Variants in SLC25A29 observed in about 807,000 individuals in gnomAD.
The protein encoded by SLC25A29 is solute carrier family 25 member 29.
In SLC25A29, 13 loss-of-function variants were observed where a neutral mutation model predicts 10.0. The observed-to-expected ratio is 1.30, with a 90% CI of 0.85 to 2.07. SLC25A29 has a LOEUF of 2.07. Among genes scored for constraint, SLC25A29 ranks in the 30% most tolerant of loss-of-function variants. The pLI is 0.00. For missense variants in SLC25A29, 475 were observed against 447.6 expected, an observed-to-expected ratio of 1.06 and a Z score of -0.55; for synonymous variants, 244 against 221.1, an observed-to-expected ratio of 1.10 and a Z score of -0.92.
Position 100,292,619 on chromosome 14 carries a change from C to T in SLC25A29, c.576G>A (p.Leu192=). The change falls in exon 4 of 4, where the codon CTG becomes CTA. Residue 192 remains leucine (L), a synonymous_variant. Transcript: ENST00000359232. ...EPGDRLLVPK[L]LLAGGTSGIV... ...TGCCTGACGTACCGCCCGCCAACAG[C>T]AGCTTGGGCACCAGCAGGCGGTCGC... 1.2e-6 allele frequency: 2 copies of T among 1,606,618 alleles called. No individual in the cohort carries two copies. Among genetic ancestry groups the T allele is most frequent in the South Asian group, 1.1e-5 (1 of 90,192 alleles).
intron 1 of SLC25A29, chr14:100,304,812 T>A: frequency 6.6e-6 from 1 of 152,280 alleles, no homozygotes; most frequent in Non-Finnish European, 1.5e-5. Flanking sequence ...CCCCGGTGTT[T>A]CCAGGAGGGC....
chr14:100,306,054 C>T (rs955750066), intron 1 of SLC25A29, 145 bp downstream of exon 1: 51 of 533,558 alleles, frequency 9.6e-5, no homozygotes, highest in Non-Finnish European at 8.8e-5. Flanking sequence ...CCACGAGACC[C>T]GCCCGAGGCA....
At chr14:100,294,184 G>A (rs564089764) in intron 2 of SLC25A29, 1 of 152,346 alleles carries the variant, frequency 6.6e-6, no homozygotes, top group East Asian at 1.9e-4. Flanking sequence ...GTAGCCTCTC[G>A]TGAGAACAGC....
In SLC25A29 at chr14:100,297,744, A is replaced by C. The variant is rs185222326; in HGVS notation, c.78+1098T>G. Among the ~76,000 whole-genome samples, 21 of 152,338 alleles carry C rather than the reference A, an allele frequency of 1.4e-4. No individual in the cohort carries two copies. The East Asian group carries it at 4.1e-3, about 29-fold the overall frequency. Reference sequence around the variant, plus strand: ...GCCTGGCCCTTCAGCCTCCTCCCCAAATTGGCCTACAGTGGATAGAAGAGT... The same window carrying C: ...GCCTGGCCCTTCAGCCTCCTCCCCACATTGGCCTACAGTGGATAGAAGAGT... On this transcript the variant is annotated intron_variant, in intron 2 of 3. Transcript: ENST00000359232.
downstream of SLC25A29, among the ~76,000 whole-genome samples, chr14:100,289,886 A>C (rs937586451): frequency 1.3e-5 from 2 of 152,132 alleles, no homozygotes; most frequent in East Asian, 3.8e-4. Flanking sequence ...AAAATGTAAA[A>C]TAAATTCATT....
At position 100,292,661 on chromosome 14, in the gene SLC25A29, C is replaced by T. The variant is rs779290640; in HGVS notation, c.534G>A (p.Ala178=). 1 of 1,598,548 alleles carries T rather than the reference C, an allele frequency of 6.3e-7. No homozygotes were observed. The highest frequency in any genetic ancestry group is 8.5e-7 in the Non-Finnish European group (1 of 1,174,346). The change falls in exon 4 of 4, where the codon GCG becomes GCA. Residue 178 remains alanine, a synonymous_variant. Coordinates refer to ENST00000359232, the MANE Select transcript of SLC25A29 (RefSeq NM_001039355.3). ...YFLTYDALTR[A]LGCEPGDRLL... ...GGCGGTCGCCCGGCTCGCAGCCCAGCGCCCGCGTGAGAGCGTCATAGGTGA... is the reference window on the plus strand; with the variant it reads ...GGCGGTCGCCCGGCTCGCAGCCCAGTGCCCGCGTGAGAGCGTCATAGGTGA...
At chr14:100,282,129 T>G in the SLC25A29 span, 3 of 152,190 alleles carry the variant, frequency 2.0e-5, no homozygotes, top group African/African-American at 7.2e-5. Flanking sequence ...ATGGAGAGCT[T>G]CGTCCTGGCC....
chr14:100,293,647 T>G, intron 2 of SLC25A29: 1 of 483,020 alleles, frequency 2.1e-6, no homozygotes, highest in Non-Finnish European at 3.8e-6. Context: ...AAGCCTCTTG[T>G]TTACACTATG....
chr14:100,288,561 C>T (rs2139641874), downstream of SLC25A29, among the ~76,000 whole-genome samples: 1 of 151,916 alleles, frequency 6.6e-6, no homozygotes, highest in East Asian at 1.9e-4. Context: ...GCCCTGCTGT[C>T]CTCCAGGCCC....
downstream of SLC25A29, among the ~76,000 whole-genome samples, chr14:100,289,565 G>A (rs1210574233): frequency 5.3e-5 from 8 of 152,124 alleles, no homozygotes; most frequent in South Asian, 2.1e-4. Context: ...ATCAGAGGCC[G>A]GGCGCAGTGG....
At chr14:100,297,176 AAAAACAAAAAC>A (rs1410469569) in intron 2 of SLC25A29, among the ~76,000 whole-genome samples, 2 of 152,250 alleles carry the variant, frequency 1.3e-5, no homozygotes, top group African/African-American at 4.8e-5. Context: ...ACAGAGTGGC[AAAAACAAAAAC>A]AAAACAAAAC....
rs776413490 is a variant in SLC25A29, at chr14:100,292,291, T to G, written c.904A>C (p.Ser302Arg). The G allele has an allele frequency of 2.6e-6, 4 of 1,531,772 alleles. No individual in the cohort carries two copies. The highest frequency in any genetic ancestry group is 3.5e-6 in the Non-Finnish European group (4 of 1,140,660). The allele number at this position is 1,531,772 out of a possible 1,614,324, so 94.9% of individuals were successfully genotyped here. ...PAGPALAQPS[S>R]L ...GGAGGGCGGGGTGAGCGTCACAGGC[T>G]GGAGGGCTGCGCCAGGGCAGGCCCC... The change falls in exon 4 of 4, where the codon AGC becomes CGC. Residue 302 changes from serine (S) to arginine (R), a missense_variant. Ser to Arg is a moderately radical substitution (Grantham distance 110, BLOSUM62 -1). Coordinates refer to ENST00000359232, the MANE Select transcript of SLC25A29 (RefSeq NM_001039355.3).
chr14:100,289,615 G>C (rs1891616484), downstream of SLC25A29, among the ~76,000 whole-genome samples: 1 of 152,088 alleles, frequency 6.6e-6, no homozygotes, highest in African/African-American at 2.4e-5. Flanking sequence ...GGCTGAGGCG[G>C]GTGGATCACT....
chr14:100,284,038 G>A, the SLC25A29 span, among the ~76,000 whole-genome samples: 4 of 151,998 alleles, frequency 2.6e-5, no homozygotes, highest in South Asian at 6.2e-4. Flanking sequence ...GCCACCATGC[G>A]CAGCCCATAA....
intron 3 of SLC25A29, 91 bp from the exon 4 acceptor site, chr14:100,293,123 A>G (rs1891882462): frequency 2.1e-6 from 3 of 1,450,636 alleles, no homozygotes; most frequent in Admixed American, 4.9e-5. Flanking sequence ...GCCCCAGCCC[A>G]CCCCAGGGGC....
chr14:100,290,008 C>A (rs530806264), downstream of SLC25A29, among the ~76,000 whole-genome samples: 17 of 152,316 alleles, frequency 1.1e-4, no homozygotes, highest in South Asian at 3.1e-3. Context: ...TGCTCCTTGC[C>A]GCACCACTCC....
Position 100,293,361 on chromosome 14 carries a change from T to C in SLC25A29, c.95A>G (p.Gln32Arg). ...GCGGTACTGAGGCTTCTCCACGCTC[T>C]GGACCTGAAGCCGTACCTGGAAGGA... ...FDTVKVRLQV[Q>R]SVEKPQYRGT... Residue 32 changes from glutamine to arginine, a missense_variant, in exon 3 of 4, where the codon CAG (glutamine) becomes CGG (arginine). By Grantham distance (43) the Gln-to-Arg change is conservative. Transcript: ENST00000359232. The C allele has an allele frequency of 6.2e-7, 1 of 1,613,176 alleles. No homozygotes were observed. Among genetic ancestry groups the C allele is most frequent in the Non-Finnish European group, 8.5e-7 (1 of 1,179,960 alleles).
chr14:100,302,988 T>C (rs1892664769), intron 1 of SLC25A29, among the ~76,000 whole-genome samples: 1 of 152,194 alleles, frequency 6.6e-6, no homozygotes, highest in Admixed American at 6.5e-5. Flanking sequence ...TTATTCATCA[T>C]ATTAATCATC....
rs374957491 is a variant in SLC25A29, at chr14:100,296,332, G to A, written c.78+2510C>T. The A allele has an allele frequency of 4.8e-4, 128 of 269,326 alleles. 2 individuals are homozygous for A. Among genetic ancestry groups the A allele is most frequent in the African/African-American group, 2.6e-3 (119 of 45,314 alleles). 16.7% of individuals were successfully genotyped at this position (269,326 alleles called of 1,614,324 possible). ...TAGTTTCAGCTACTTGAGAGGCTGC[G>A]GTGGGAGGATTGCTTGAGCCTGGGA... On this transcript the variant is annotated intron_variant, in intron 2 of 3. Coordinates refer to ENST00000359232, the MANE Select transcript of SLC25A29 (RefSeq NM_001039355.3).
Sources: allele counts gnomAD v4.1 joint callset (sites outside exome capture counted in the v4.1 genomes callset), GRCh38; gene constraint gnomAD v4.1.1; transcripts MANE v1.5; gene names NCBI Gene and HGNC (gene_info 2026-07-23, HGNC 2026-07-21).